The following CNTLN variants were observed in gnomAD, a reference collection of about 807,000 sequenced individuals.
CNTLN encodes centlein, centrosomal protein.
A neutral mutation model predicts 180.0 loss-of-function variants in CNTLN; 212 were observed. That is an observed-to-expected ratio of 1.18 (90% confidence interval 1.05 to 1.32). The LOEUF is 1.32. Among genes scored for constraint, CNTLN ranks in the 40% most tolerant of loss-of-function variants. CNTLN has a pLI of 0.00. For missense variants in CNTLN, 2,095 were observed against 1,610.9 expected (o/e 1.30, Z -5.14); for synonymous variants, 722 against 563.1 (o/e 1.28, Z -3.99).
chr9:17,287,321 G>C (rs1171425344), intron 6 of CNTLN, among the ~76,000 whole-genome samples: 4 of 147,668 alleles, frequency 2.7e-5, no homozygotes, highest in Non-Finnish European at 4.5e-5. Context: ...ATTGATTTGC[G>C]TATATTGAAC....
At chr9:17,253,166 A>T (rs1171336573) in intron 5 of CNTLN, among the ~76,000 whole-genome samples, 1 of 151,842 alleles carries the variant, frequency 6.6e-6, no homozygotes, top group African/African-American at 2.4e-5. Context: ...TGTTTCAGTT[A>T]ATATATCCTT....
chr9:17,283,115 A>G (rs1563954746), intron 6 of CNTLN, among the ~76,000 whole-genome samples: 1 of 152,110 alleles, frequency 6.6e-6, no homozygotes, highest in Non-Finnish European at 1.5e-5. Flanking sequence ...TTTTTTCTAA[A>G]TCTGTGAAGA....
intron 25 of CNTLN, among the ~76,000 whole-genome samples, chr9:17,490,274 A>G (rs544865730): frequency 6.6e-6 from 1 of 152,206 alleles, no homozygotes; most frequent in African/African-American, 2.4e-5. Flanking sequence ...TGGCCTGGCC[A>G]TGGTATTAGA....
chr9:17,485,599 A>G (rs1258801485), intron 24 of CNTLN, among the ~76,000 whole-genome samples: 1 of 152,142 alleles, frequency 6.6e-6, no homozygotes. Flanking sequence ...TAATTAAAAT[A>G]TGTCGATTGA....
At chr9:17,475,317 C>A (rs1832272836) in intron 23 of CNTLN, among the ~76,000 whole-genome samples, 1 of 151,900 alleles carries the variant, frequency 6.6e-6, no homozygotes, top group African/African-American at 2.4e-5. Context: ...GTTGAGTTTC[C>A]TTTTTGCTTT....
At chr9:17,377,045 T>G (rs1213868935) in intron 13 of CNTLN, among the ~76,000 whole-genome samples, 3 of 152,176 alleles carry the variant, frequency 2.0e-5, no homozygotes, top group African/African-American at 7.2e-5. Flanking sequence ...GTTTTTTGTT[T>G]CCTCCTCATC....
At chr9:17,211,783 T>A (rs987460275) in intron 2 of CNTLN, among the ~76,000 whole-genome samples, 1 of 152,140 alleles carries the variant, frequency 6.6e-6, no homozygotes, top group African/African-American at 2.4e-5. Flanking sequence ...CCCTTGTAAG[T>A]TGGATTCCTA....
intron 3 of CNTLN, among the ~76,000 whole-genome samples, chr9:17,228,047 T>G (rs1342316165): frequency 6.6e-6 from 1 of 152,012 alleles, no homozygotes; most frequent in Non-Finnish European, 1.5e-5. Flanking sequence ...ATTCAGGCGA[T>G]TTGAGAAAAT....
chr9:17,332,869 A>G (rs1296031040), intron 10 of CNTLN, 139 bp downstream of exon 10: 1 of 439,064 alleles, frequency 2.3e-6, no homozygotes, highest in Non-Finnish European at 3.6e-6. Flanking sequence ...TAATCAGTTC[A>G]TCTTGTTATT....
At chr9:17,214,804 G>A (rs1324569246) in intron 2 of CNTLN, among the ~76,000 whole-genome samples, 1 of 151,940 alleles carries the variant, frequency 6.6e-6, no homozygotes, top group African/African-American at 2.4e-5. Flanking sequence ...TCATTCATTT[G>A]ATCTTCAATC....
At chr9:17,394,425 A>AT in intron 14 of CNTLN, 109 bp from the exon 15 acceptor site, 3 of 905,218 alleles carry the variant, frequency 3.3e-6, no homozygotes, top group Non-Finnish European at 3.2e-6. Context: ...CTTTATATTT[A>AT]TTTTGTCCTT....
At chr9:17,299,654 CT>C in intron 7 of CNTLN, 1 of 984,906 alleles carries the variant, frequency 1.0e-6, no homozygotes, top group South Asian at 4.7e-5. Context: ...GCAGTGCTGC[CT>C]TTTTGTTTTA....
chr9:17,160,461 G>A (rs988456222), intron 2 of CNTLN, among the ~76,000 whole-genome samples: 1 of 152,014 alleles, frequency 6.6e-6, no homozygotes, highest in African/African-American at 2.4e-5. Context: ...ACATCTTGAG[G>A]GTAATCTTTG....
intron 2 of CNTLN, among the ~76,000 whole-genome samples, chr9:17,193,685 G>A (rs548995651): frequency 6.6e-6 from 1 of 152,244 alleles, no homozygotes; most frequent in Admixed American, 6.5e-5. Flanking sequence ...AATGGTGCAA[G>A]CTGTTGGTAG....
the CNTLN span, among the ~76,000 whole-genome samples, chr9:17,527,288 C>T: frequency 6.6e-6 from 1 of 152,176 alleles, no homozygotes; most frequent in Non-Finnish European, 1.5e-5. Flanking sequence ...AAAGAAATCC[C>T]ATTGTTCATA....
At chr9:17,143,630 A>C (rs938508879) in intron 2 of CNTLN, among the ~76,000 whole-genome samples, 1 of 152,154 alleles carries the variant, frequency 6.6e-6, no homozygotes, top group African/African-American at 2.4e-5. Flanking sequence ...TGTCTTAAAT[A>C]CTGTGTGTGT....
intron 2 of CNTLN, among the ~76,000 whole-genome samples, chr9:17,149,118 T>C (rs1291577653): frequency 6.6e-6 from 1 of 152,202 alleles, no homozygotes; most frequent in Non-Finnish European, 1.5e-5. Flanking sequence ...GTTTCCAGCT[T>C]CATCCATGTC....
intron 2 of CNTLN, among the ~76,000 whole-genome samples, chr9:17,150,948 G>A (rs369966182): frequency 8.5e-5 from 13 of 152,066 alleles, no homozygotes; most frequent in African/African-American, 2.7e-4. Flanking sequence ...TTGGCTGTTT[G>A]TCTGTTATTG....
intron 8 of CNTLN, among the ~76,000 whole-genome samples, chr9:17,324,672 A>G (rs892442157): frequency 1.3e-5 from 2 of 152,168 alleles, no homozygotes; most frequent in African/African-American, 4.8e-5. Flanking sequence ...TCTACTGGAT[A>G]TAAGTATAAT....
Sources: gnomAD v4.1 joint callset for allele counts (sites outside exome capture counted in the v4.1 genomes callset) on GRCh38, gnomAD v4.1.1 for gene constraint, MANE v1.5 for transcripts, NCBI Gene and HGNC (gene_info 2026-07-23, HGNC 2026-07-21) for gene names.